The following ZNF366 variants were observed in gnomAD, a reference collection of about 807,000 sequenced individuals.
ZNF366 encodes dendritic cell-specific transcript protein.
A neutral mutation model predicts 47.2 loss-of-function variants in ZNF366; 20 were observed. The observed-to-expected ratio is 0.42, with a 90% confidence interval of 0.30 to 0.62. The LOEUF is 0.62. Ranked by LOEUF, ZNF366 falls within the 20% of genes least tolerant of loss-of-function variation. ZNF366 has a pLI of 0.16. For missense variants in ZNF366, 987 were observed against 976.3 expected (o/e 1.01, Z -0.15); for synonymous variants, 421 against 395.1 (o/e 1.07, Z -0.78).
At chr5:72,477,074 T>A (rs1162406147) in intron 1 of ZNF366, among the ~76,000 whole-genome samples, 1 of 152,182 alleles carries the variant, frequency 6.6e-6, no homozygotes, top group African/African-American at 2.4e-5. Flanking sequence ...ACTCCCTTAA[T>A]GGCTTTCAAT....
rs1217484258 is a variant in ZNF366, at chr5:72,461,002, C to T, written c.495G>A (p.Thr165=). 6.2e-6 allele frequency: 10 copies of T among 1,614,008 alleles called. No homozygotes were observed. The highest frequency in any genetic ancestry group is 1.1e-5 in the South Asian group (1 of 91,078). The change falls in exon 2 of 5, where the codon ACG becomes ACA. Residue 165 remains threonine (T), a synonymous_variant. Coordinates refer to ENST00000318442, the MANE Select transcript of ZNF366 (RefSeq NM_152625.3). ...IKPSAVWPQP[T]PTPFLPTPYP... ...AGGGCGTGGGCAGGAATGGAGTGGG[C>T]GTTGGCTGGGGCCACACGGCGCTGG...
intron 1 of ZNF366, among the ~76,000 whole-genome samples, chr5:72,481,384 C>A (rs1490921788): frequency 6.6e-6 from 1 of 151,790 alleles, no homozygotes; most frequent in Non-Finnish European, 1.5e-5. Context: ...ATATTTTGGT[C>A]CGTTTCTTTC....
intron 3 of ZNF366, among the ~76,000 whole-genome samples, chr5:72,452,507 A>G (rs1414253612): frequency 6.6e-6 from 1 of 152,074 alleles, no homozygotes; most frequent in Non-Finnish European, 1.5e-5. Context: ...GAAAACTCTG[A>G]CCCCAAACAC....
chr5:72,483,304 C>G (rs1485763125), intron 1 of ZNF366, among the ~76,000 whole-genome samples: 56 of 152,286 alleles, frequency 3.7e-4, no homozygotes, highest in Non-Finnish European at 5.9e-5. Flanking sequence ...GTAAAGTGAA[C>G]AGGTGGAGAC....
intron 4 of ZNF366, 139 bp downstream of exon 4, chr5:72,447,104 T>C (rs540527255): frequency 2.9e-4 from 268 of 921,918 alleles, no homozygotes; most frequent in Admixed American, 3.4e-4. Flanking sequence ...TTTTTTCTAG[T>C]AACATTATAA....
chr5:72,462,005 G>C (rs1165881458), intron 1 of ZNF366, among the ~76,000 whole-genome samples: 2 of 152,138 alleles, frequency 1.3e-5, no homozygotes, highest in African/African-American at 4.8e-5. Context: ...GTGACTTTTA[G>C]GGTCTTTTCT....
chr5:72,487,151 G>A (rs1301428697), intron 1 of ZNF366, among the ~76,000 whole-genome samples: 1 of 152,226 alleles, frequency 6.6e-6, no homozygotes, highest in African/African-American at 2.4e-5. Context: ...CTTCCAGTTG[G>A]CTACCAGTTT....
chr5:72,461,393 C>A lies in ZNF366; in HGVS notation c.104G>T (p.Arg35Leu), dbSNP rs765523103. The A allele has an allele frequency of 8.1e-6, 13 of 1,613,428 alleles. No homozygotes were observed. Among genetic ancestry groups the A allele is most frequent in the African/African-American group, 1.3e-5 (1 of 74,876 alleles). ...FPHCLQPVASRGKAPQRHPFP... is the reference protein window; with the variant it reads ...FPHCLQPVASLGKAPQRHPFP... ...GGGGTGTCTTTGGGGAGCCTTTCCC[C>A]GAGAAGCCACTGGCTGCAGGCAGTG... Residue 35 changes from arginine (R) to leucine (L), a missense_variant, in exon 2 of 5, where the codon CGG (arginine) becomes CTG (leucine). This residue lies in a region of ZNF366 where 591 missense variants were observed against 560.9 expected (regional missense o/e 1.05). Coordinates refer to ENST00000318442, the MANE Select transcript of ZNF366 (RefSeq NM_152625.3).
At chr5:72,456,942 T>A (rs1200202667) in intron 2 of ZNF366, among the ~76,000 whole-genome samples, 1 of 152,152 alleles carries the variant, frequency 6.6e-6, no homozygotes, top group South Asian at 2.1e-4. Context: ...ATATGCAATA[T>A]GAGTCCATAA....
At chr5:72,448,372 A>G (rs10068109) in intron 3 of ZNF366, among the ~76,000 whole-genome samples, 124,180 of 152,176 alleles carry the variant, frequency 0.82, 51,177 homozygotes, top group East Asian at 0.96. Flanking sequence ...TTGGAAGAGG[A>G]GCAGAACTTT....
At chr5:72,487,599 G>T (rs1189758143) in intron 1 of ZNF366, among the ~76,000 whole-genome samples, 1 of 151,870 alleles carries the variant, frequency 6.6e-6, no homozygotes, top group African/African-American at 2.4e-5. Context: ...TACTCTAGCT[G>T]CCAAGGGTCA....
In ZNF366 at chr5:72,456,179, A is replaced by T. The variant is rs557693776; in HGVS notation, c.1524+225T>A. 2.0e-4 allele frequency among the ~76,000 whole-genome samples: 30 copies of T among 152,296 alleles called. No homozygotes were observed. In the East Asian group the frequency reaches 5.8e-3, roughly 29 times the overall value. On this transcript the variant is annotated intron_variant, in intron 3 of 4. Coordinates refer to ENST00000318442, the MANE Select transcript of ZNF366 (RefSeq NM_152625.3). ...GGCTCTACCCCTGGGCATGGATGCC[A>T]CAGTGAGACAAATAGGGCAGGCTCC...
chr5:72,461,237 G>A lies in ZNF366; in HGVS notation c.260C>T (p.Pro87Leu). 4.3e-6 allele frequency: 7 copies of A among 1,614,092 alleles called. No individual in the cohort carries two copies. The highest frequency in any genetic ancestry group is 5.9e-6 in the Non-Finnish European group (7 of 1,180,020). Residue 87 changes from proline (P) to leucine (L), a missense_variant, in exon 2 of 5, where the codon CCC becomes CTC. Pro to Leu is a moderately conservative substitution (Grantham distance 98, BLOSUM62 -3). This residue lies in a region of ZNF366 where 591 missense variants were observed against 560.9 expected (regional missense o/e 1.05). Coordinates refer to ENST00000318442, the MANE Select transcript of ZNF366 (RefSeq NM_152625.3). ...GACTTCTTCTGCAGGGTGGTTATAG[G>A]GCATCTTTGTGGGCATGCTCTTCCG... is the stretch of plus-strand genomic sequence containing the variant. ...RKRKSMPTKM[P>L]YNHPAEEVTL...
rs756669976 is a variant in ZNF366 at position 72,460,932 on chromosome 5, A to G, written c.565T>C (p.Phe189Leu). The G allele has an allele frequency of 6.2e-6, 10 of 1,611,648 alleles. No homozygotes were observed. In the African/African-American group the frequency reaches 9.4e-5, roughly 15 times the overall value. ...GGGAAGGGCGAGGACGAGGGCACGA[A>G]GAAGGGGAACATGAGGCCCGGGTGG... ...KVHPGLMFPF[F>L]VPSSSPFPFS... Residue 189 changes from phenylalanine to leucine, a missense_variant, in exon 2 of 5, where the codon TTC (phenylalanine) becomes CTC (leucine). Around this residue, in one of 3 missense-constraint regions of ZNF366, gnomAD observed 591 missense variants for 560.9 expected, o/e 1.05. Transcript: ENST00000318442.
chr5:72,499,339 G>A (rs1159366351), intron 1 of ZNF366, among the ~76,000 whole-genome samples: 2 of 152,170 alleles, frequency 1.3e-5, no homozygotes, highest in Non-Finnish European at 2.9e-5. Context: ...AGACGATGCT[G>A]GGAATAGTCC....
At position 72,461,060 on chromosome 5, in the gene ZNF366, C is replaced by A; in HGVS notation, c.437G>T (p.Gly146Val). ...GGGTTCCTGCTTGACGGGCTTGCCC[C>A]CAAAGTGTTCCAGGCTGCGGTAGAA... Reference protein sequence around the residue: ...FQFYRSLEHFGGKPVKQEPIK... With the variant: ...FQFYRSLEHFVGKPVKQEPIK... The change falls in exon 2 of 5, where the codon GGG becomes GTG. Residue 146 changes from glycine (G) to valine (V), a missense_variant. Physicochemically the swap from Gly to Val is moderately radical, Grantham distance 109. Around this residue, in one of 3 missense-constraint regions of ZNF366, gnomAD observed 591 missense variants for 560.9 expected, o/e 1.05. Coordinates refer to ENST00000318442, the MANE Select transcript of ZNF366 (RefSeq NM_152625.3). 1 of 1,614,136 alleles carries A rather than the reference C, an allele frequency of 6.2e-7. No homozygotes were observed. Among genetic ancestry groups the A allele is most frequent in the South Asian group, 1.1e-5 (1 of 91,084 alleles).
At chr5:72,504,391 C>T (rs971548638) in intron 1 of ZNF366, among the ~76,000 whole-genome samples, 2 of 152,110 alleles carry the variant, frequency 1.3e-5, no homozygotes, top group Non-Finnish European at 2.9e-5. Flanking sequence ...ATAAAATGTC[C>T]ACAATATAAC....
rs561015020 is a variant in ZNF366 at position 72,472,673 on chromosome 5, A to G, written c.-14-11163T>C. On this transcript the variant is annotated intron_variant, in intron 1 of 4. Coordinates refer to ENST00000318442, the MANE Select transcript of ZNF366 (RefSeq NM_152625.3). ...GAATTACACACTGCAAATATGATTA[A>G]TCCAGTTTCTCCATTCCAGCCCTCC... is the stretch of plus-strand genomic sequence containing the variant. 1.2e-5 allele frequency: 8 copies of G among 690,142 alleles called. No individual in the cohort carries two copies. The South Asian group carries it at 2.6e-4, about 23-fold the overall frequency. The allele number at this position is 690,142 out of a possible 1,614,324, so 42.8% of individuals were successfully genotyped here.
intron 1 of ZNF366, among the ~76,000 whole-genome samples, chr5:72,492,891 C>T (rs1744040510): frequency 6.6e-6 from 1 of 152,178 alleles, no homozygotes; most frequent in African/African-American, 2.4e-5. Context: ...CAGTTCCAAG[C>T]CCAAATTCTT....
Sources: gnomAD v4.1 joint callset for allele counts (sites outside exome capture counted in the v4.1 genomes callset) on GRCh38, gnomAD v4.1.1 for gene constraint, gnomAD v4.1.1 regional missense constraint, MANE v1.5 for transcripts, NCBI Gene and HGNC (gene_info 2026-07-23, HGNC 2026-07-21) for gene names.